The following TBCE variants were observed in gnomAD, a reference collection of about 807,000 sequenced individuals.
The protein encoded by TBCE is tubulin folding cofactor E, also known as tubulin-specific chaperone E.
Under a neutral mutation model 77.0 loss-of-function variants are expected in TBCE, and 53 were observed. The observed-to-expected ratio is 0.69, with a 90% confidence interval of 0.55 to 0.87. TBCE has a LOEUF of 0.87. Ranked by LOEUF, TBCE falls within the 40% of genes least tolerant of loss-of-function variation. The pLI is 0.00. For missense variants in TBCE, 624 were observed against 622.4 expected, an observed-to-expected ratio of 1.00 and a Z score of -0.03; for synonymous variants, 235 against 241.3, an observed-to-expected ratio of 0.97 and a Z score of 0.24.
chr1:235,391,999 C>T (rs1016495643), intron 2 of TBCE, among the ~76,000 whole-genome samples: 62 of 151,696 alleles, frequency 4.1e-4, no homozygotes, highest in African/African-American at 1.4e-3. Flanking sequence ...AAAAAAAATA[C>T]GTTTTCTTAC....
At chr1:235,448,148 C>A (rs141397768) in intron 15 of TBCE, among the ~76,000 whole-genome samples, 3 of 146,358 alleles carry the variant, frequency 2.0e-5, no homozygotes, top group Non-Finnish European at 4.4e-5. Context: ...TGCAGTGAGC[C>A]GAGATTACAC....
intron 2 of TBCE, among the ~76,000 whole-genome samples, chr1:235,391,710 G>A (rs547564584): frequency 1.2e-3 from 170 of 145,924 alleles, no homozygotes; most frequent in African/African-American, 4.0e-3. Context: ...AGGTTCAAGC[G>A]GTTCTCCTCC....
In TBCE at chr1:235,380,143, G is replaced by C; in HGVS notation, c.94G>C (p.Val32Leu). The C allele has an allele frequency of 1.2e-6, 2 of 1,610,506 alleles. No individual in the cohort carries two copies. The highest frequency in any genetic ancestry group is 1.7e-6 in the Non-Finnish European group (2 of 1,178,434). The change falls in exon 2 of 17, where the codon GTG (valine) becomes CTG (leucine). Residue 32 changes from valine to leucine, a missense_variant. By Grantham distance (32) the Val-to-Leu change is conservative. Coordinates refer to ENST00000642610, the MANE Select transcript of TBCE (RefSeq NM_003193.5). ...TVRFAGVVPP[V>L]AGPWLGVEWD... ...ACGTTTTGCTGGTGTTGTCCCTCCCGTGGCAGGTAAGCAATTATTGTGTGT... is the reference window on the plus strand; with the variant it reads ...ACGTTTTGCTGGTGTTGTCCCTCCCCTGGCAGGTAAGCAATTATTGTGTGT...
At chr1:235,392,561 C>T (rs558183043) in intron 2 of TBCE, among the ~76,000 whole-genome samples, 11 of 151,596 alleles carry the variant, frequency 7.3e-5, no homozygotes, top group African/African-American at 2.4e-4. Context: ...CAGGCACCCC[C>T]CTCCATGCCC....
chr1:235,400,181 CAT>C (rs1296686582), intron 2 of TBCE, among the ~76,000 whole-genome samples: 2 of 152,050 alleles, frequency 1.3e-5, no homozygotes, highest in South Asian at 4.1e-4. Context: ...CTTCCTAACT[CAT>C]ATGTGTGACA....
chr1:235,385,178 G>A (rs1677919596), intron 2 of TBCE, among the ~76,000 whole-genome samples: 2 of 152,290 alleles, frequency 1.3e-5, no homozygotes, highest in African/African-American at 4.8e-5. Context: ...TGTGGTCTGA[G>A]AGACAGTTTG....
In TBCE at chr1:235,437,441, C is replaced by T; in HGVS notation, c.1083C>T (p.Ser361=). The part of the protein sequence containing the change: ...AETARLLIIA[S]IGQLKTLNKC... Reference sequence around the variant, plus strand: ...CGGCGCGACTACTCATTATCGCCAGCATTGGCCAGCTGAAGACGCTGAACA... The same window carrying T: ...CGGCGCGACTACTCATTATCGCCAGTATTGGCCAGCTGAAGACGCTGAACA... The change falls in exon 12 of 17, where the codon AGC becomes AGT. Residue 361 remains serine, a synonymous_variant. Coordinates refer to ENST00000642610, the MANE Select transcript of TBCE (RefSeq NM_003193.5). 1 of 1,614,132 alleles carries T rather than the reference C, an allele frequency of 6.2e-7. No individual in the cohort carries two copies. The highest frequency in any genetic ancestry group is 8.5e-7 in the Non-Finnish European group (1 of 1,180,008).
intron 2 of TBCE, among the ~76,000 whole-genome samples, chr1:235,385,779 AGTCTGT>A (rs1470937068): frequency 6.6e-6 from 1 of 152,118 alleles, no homozygotes; most frequent in Non-Finnish European, 1.5e-5. Context: ...CCAATTTGCC[AGTCTGT>A]GTCTTTTAAT....
chr1:235,433,724 TA>T (rs1159671553), intron 7 of TBCE: 1 of 158,602 alleles, frequency 6.3e-6, no homozygotes, highest in African/African-American at 2.4e-5. Flanking sequence ...ATGAAAACTT[TA>T]AAAAATGTAT....
intron 8 of TBCE, among the ~76,000 whole-genome samples, chr1:235,434,866 T>C (rs879621163): frequency 6.6e-6 from 1 of 152,092 alleles, no homozygotes; most frequent in African/African-American, 2.4e-5. Context: ...GATTAAATAA[T>C]GTATTTTTCA....
intron 7 of TBCE, among the ~76,000 whole-genome samples, chr1:235,432,614 C>T (rs1425365556): frequency 6.6e-6 from 1 of 152,144 alleles, no homozygotes; most frequent in Non-Finnish European, 1.5e-5. Flanking sequence ...CTTTGCACTC[C>T]AGCCTGGGTG....
chr1:235,444,123 A>G (rs956373201), intron 15 of TBCE, among the ~76,000 whole-genome samples: 5 of 152,356 alleles, frequency 3.3e-5, no homozygotes, highest in Admixed American at 3.3e-4. Context: ...TTTCTATCAG[A>G]TAAAGCAAGC....
At chr1:235,411,652 C>T (rs1679788746) in intron 3 of TBCE, among the ~76,000 whole-genome samples, 2 of 152,130 alleles carry the variant, frequency 1.3e-5, no homozygotes, top group Admixed American at 1.3e-4. Context: ...GTAAACTAGG[C>T]TTGTAACTTA....
chr1:235,401,003 C>CTT (rs1226053601), intron 2 of TBCE, among the ~76,000 whole-genome samples: 2 of 136,726 alleles, frequency 1.5e-5, no homozygotes, highest in Admixed American at 7.3e-5. Flanking sequence ...TGTGCCTGGG[C>CTT]TTTTTTTTTT....
intron 7 of TBCE, among the ~76,000 whole-genome samples, chr1:235,431,613 G>A (rs1363977464): frequency 2.6e-5 from 4 of 151,758 alleles, no homozygotes; most frequent in Admixed American, 2.0e-4. Flanking sequence ...TGCCCGCCTC[G>A]GCCTCCCAAA....
At chr1:235,402,166 C>CAATT (rs1052334907) in intron 3 of TBCE, among the ~76,000 whole-genome samples, 1 of 151,278 alleles carries the variant, frequency 6.6e-6, no homozygotes, top group Admixed American at 6.6e-5. Context: ...TAGGTTCAAG[C>CAATT]AATTCTCCTG....
At chr1:235,386,874 T>C (rs1039743728) in intron 2 of TBCE, among the ~76,000 whole-genome samples, 39 of 152,342 alleles carry the variant, frequency 2.6e-4, no homozygotes, top group Non-Finnish European at 4.7e-4. Context: ...GGAGAGGCGC[T>C]CTGCTTTTTA....
chr1:235,371,351 C>T (rs1368230712), intron 1 of TBCE, among the ~76,000 whole-genome samples: 5 of 150,244 alleles, frequency 3.3e-5, no homozygotes, highest in South Asian at 4.2e-4. Context: ...CCACCGCCCC[C>T]GGCCACTCTT....
chr1:235,404,005 G>A (rs903345713), intron 3 of TBCE, among the ~76,000 whole-genome samples: 3 of 152,182 alleles, frequency 2.0e-5, no homozygotes, highest in Non-Finnish European at 4.4e-5. Flanking sequence ...TTGGCCGGGT[G>A]CGTTGGCTCA....
Sources: allele counts gnomAD v4.1 joint callset (sites outside exome capture counted in the v4.1 genomes callset), GRCh38; gene constraint gnomAD v4.1.1; transcripts MANE v1.5; gene names NCBI Gene and HGNC (gene_info 2026-07-23, HGNC 2026-07-21).